Variants in TTC23L observed in about 807,000 individuals in gnomAD.
TTC23L encodes tetratricopeptide repeat domain 23 like, also known as tetratricopeptide repeat protein 23-like.
Under a neutral mutation model 48.1 loss-of-function variants are expected in TTC23L, and 42 were observed. That is an observed-to-expected ratio of 0.87 (90% CI 0.68 to 1.13). TTC23L has a LOEUF of 1.13. Among genes scored for constraint, TTC23L ranks in the 50% most tolerant of loss-of-function variants. TTC23L has a pLI of 0.00. For missense variants in TTC23L, 391 were observed against 421.0 expected (o/e 0.93, Z 0.62); for synonymous variants, 159 against 157.2 (o/e 1.01, Z -0.09).
downstream of TTC23L, among the ~76,000 whole-genome samples, chr5:34,901,315 G>C (rs976628235): frequency 1.3e-5 from 2 of 152,118 alleles, no homozygotes; most frequent in Non-Finnish European, 2.9e-5. Flanking sequence ...AGGGTCAACT[G>C]TATTTGGAGG....
the TTC23L span, chr5:34,925,466 C>G: frequency 1.2e-6 from 2 of 1,613,642 alleles, no homozygotes; most frequent in Non-Finnish European, 1.7e-6. Flanking sequence ...AAAAATGAAA[C>G]AGAGGATGGA....
At chr5:34,909,200 A>AT in the TTC23L span, 3 of 1,296,164 alleles carry the variant, frequency 2.3e-6, no homozygotes, top group Non-Finnish European at 3.3e-6. Flanking sequence ...ATTTAACAGA[A>AT]ATCTGGTATT....
the TTC23L span, chr5:34,915,238 G>A: frequency 2.9e-4 from 93 of 318,616 alleles, no homozygotes; most frequent in African/African-American, 1.9e-3. Flanking sequence ...AAATCCGCGG[G>A]GAGTCGGTTT....
At position 34,863,010 on chromosome 5, in the gene TTC23L, C is replaced by A; in HGVS notation, c.492C>A (p.Val164=). 3 of 1,614,008 alleles carry A rather than the reference C, an allele frequency of 1.9e-6. No homozygotes were observed. The highest frequency in any genetic ancestry group is 2.5e-6 in the Non-Finnish European group (3 of 1,179,894). ...AAGAGGAAATCCTGGAAGCTCTGGT[C>A]AAGCTGTACTACACTCTGGGCGTGG... The change falls in exon 5 of 11, where the codon GTC becomes GTA. Residue 164 remains valine, a synonymous_variant. Transcript: ENST00000505624. The surrounding 1 kb of genome is among the most constrained non-coding windows in gnomAD (Gnocchi z 4.1).
chr5:34,915,561 G>A, the TTC23L span: 1 of 725,556 alleles, frequency 1.4e-6, no homozygotes, highest in East Asian at 3.0e-5. Context: ...CGTCACCACA[G>A]AGCTGAAGGA....
intron 9 of TTC23L, among the ~76,000 whole-genome samples, chr5:34,886,383 AC>A (rs1264063376): frequency 2.5e-4 from 34 of 138,346 alleles, no homozygotes; most frequent in East Asian, 8.1e-4. Context: ...AAAAAAAAAA[AC>A]GTTTTATCCC....
chr5:34,895,511 C>A (rs530053934), intron 9 of TTC23L, among the ~76,000 whole-genome samples: 4 of 152,260 alleles, frequency 2.6e-5, no homozygotes, highest in East Asian at 3.9e-4. Context: ...CAGCTGCATA[C>A]CGAAAAGTTA....
chr5:34,843,077 G>A (rs1758824199), intron 2 of TTC23L, among the ~76,000 whole-genome samples: 1 of 152,154 alleles, frequency 6.6e-6, no homozygotes, highest in South Asian at 2.1e-4. Context: ...CAGAGTGCTG[G>A]GATTAGAGGT....
intron 5 of TTC23L, among the ~76,000 whole-genome samples, chr5:34,864,213 T>C (rs1420743592): frequency 6.6e-6 from 1 of 152,200 alleles, no homozygotes; most frequent in Non-Finnish European, 1.5e-5. Flanking sequence ...CCTACTCTAG[T>C]CTTGGATTCA....
At chr5:34,853,962 T>C (rs1305309307) in intron 4 of TTC23L, among the ~76,000 whole-genome samples, 2 of 152,238 alleles carry the variant, frequency 1.3e-5, no homozygotes, top group Non-Finnish European at 2.9e-5. Context: ...TGCTGCCCTC[T>C]CTGTCTTGCC....
chr5:34,840,241 G>GGC (rs1554016501), intron 1 of TTC23L, among the ~76,000 whole-genome samples: 1 of 142,788 alleles, frequency 7.0e-6, no homozygotes, highest in East Asian at 2.0e-4. Flanking sequence ...TGACCCCGGG[G>GGC]GGGGGGGGGA....
downstream of TTC23L, among the ~76,000 whole-genome samples, chr5:34,901,634 T>C (rs559194924): frequency 2.0e-5 from 3 of 152,124 alleles, no homozygotes; most frequent in Non-Finnish European, 4.4e-5. Flanking sequence ...TGGTGGCGCA[T>C]GCCTGTAATC....
chr5:34,907,441 T>C, the TTC23L span: 1 of 152,214 alleles, frequency 6.6e-6, no homozygotes, highest in Non-Finnish European at 1.5e-5. Flanking sequence ...CACTCAGCTG[T>C]TGTCACCTGG....
At chr5:34,917,222 C>T in the TTC23L span, among the ~76,000 whole-genome samples, 2 of 152,154 alleles carry the variant, frequency 1.3e-5, no homozygotes. Flanking sequence ...TTGCATTAGG[C>T]TTCATTTGGG....
chr5:34,918,576 C>G, the TTC23L span: 5 of 630,012 alleles, frequency 7.9e-6, no homozygotes, highest in South Asian at 1.8e-4. Flanking sequence ...AGTGTTCTCA[C>G]GAAAAAAACA....
chr5:34,916,006 T>TAAC, the TTC23L span: 2 of 1,311,008 alleles, frequency 1.5e-6, no homozygotes, highest in Non-Finnish European at 2.0e-6. Context: ...GCCCGGGTGT[T>TAAC]AACGGTAGGT....
the TTC23L span, chr5:34,908,853 T>C: frequency 1.9e-6 from 3 of 1,612,452 alleles, no homozygotes; most frequent in Admixed American, 1.7e-5. Context: ...AATCATATAC[T>C]GTAATGAAAG....
intron 8 of TTC23L, among the ~76,000 whole-genome samples, chr5:34,873,687 C>A (rs1761633642): frequency 1.3e-5 from 2 of 152,078 alleles, no homozygotes; most frequent in Non-Finnish European, 2.9e-5. Context: ...AATGGGGAGA[C>A]CACAGAAGGG....
the TTC23L span, chr5:34,914,757 T>C: frequency 7.4e-5 from 119 of 1,614,128 alleles, no homozygotes; most frequent in Non-Finnish European, 9.6e-5. Flanking sequence ...ATACCATTTT[T>C]AGTTGCGAAA....
Sources: gnomAD v4.1 joint callset for allele counts (sites outside exome capture counted in the v4.1 genomes callset) on GRCh38, gnomAD v4.1.1 for gene constraint, Gnocchi (gnomAD v3.1) non-coding constraint, MANE v1.5 for transcripts, NCBI Gene and HGNC (gene_info 2026-07-23, HGNC 2026-07-21) for gene names.